The following PRPF39 variants were observed in gnomAD, a reference collection of about 807,000 sequenced individuals.
The protein encoded by PRPF39 is pre-mRNA-processing factor 39.
A neutral mutation model predicts 82.1 loss-of-function variants in PRPF39; 27 were observed. The ratio of observed to expected loss-of-function variants is 0.33; its 90% confidence interval spans 0.24 to 0.45. PRPF39 has a LOEUF of 0.45. PRPF39 is among the 20% of genes least tolerant of loss of function. The probability of loss-of-function intolerance (pLI) is 1.00; values close to 1 mark genes in which losing one functional copy is unlikely to be tolerated. For synonymous variants in PRPF39, 261 were observed against 256.4 expected, an observed-to-expected ratio of 1.02 and a Z score of -0.17; for missense variants, 581 against 796.9, an observed-to-expected ratio of 0.73 and a Z score of 3.26.
At chr14:45,109,878 A>AT in intron 8 of PRPF39, 98 bp downstream of exon 8, 1 of 1,516,222 alleles carries the variant, frequency 6.6e-7, no homozygotes, top group Non-Finnish European at 8.8e-7. Flanking sequence ...TCATATAACT[A>AT]TATCTGTTGC....
Position 45,096,204 on chromosome 14 carries a change from C to T in PRPF39, c.426C>T (p.His142=), listed in dbSNP as rs757055231. The T allele has an allele frequency of 1.2e-5, 19 of 1,590,912 alleles. No homozygotes were observed. The highest frequency in any genetic ancestry group is 2.7e-5 in the African/African-American group (2 of 74,252). Residue 142 remains histidine, a synonymous_variant, in exon 3 of 14, where the codon CAC becomes CAT. Coordinates refer to ENST00000355765, the MANE Select transcript of PRPF39 (RefSeq NM_017922.4). ...WKKYADLEKR[H]DNIKPSDEVY... The stretch of plus-strand genomic sequence containing the variant: ...AGTATGCAGACCTTGAAAAGCGGCA[C>T]GACAACATTAAACCATCAGATGAGG...
chr14:45,087,915 C>T (rs1311317271), intron 1 of PRPF39, among the ~76,000 whole-genome samples: 1 of 151,954 alleles, frequency 6.6e-6, no homozygotes, highest in Non-Finnish European at 1.5e-5. Context: ...CCTCTAAAAC[C>T]CAAGTACTTA....
At chr14:45,107,209 A>G (rs1009112367) in intron 5 of PRPF39, among the ~76,000 whole-genome samples, 10 of 152,336 alleles carry the variant, frequency 6.6e-5, no homozygotes, top group Admixed American at 2.0e-4. Context: ...ATGCCCGTCC[A>G]TGCCTTCTCC....
intron 5 of PRPF39, among the ~76,000 whole-genome samples, chr14:45,104,250 A>G (rs1419607399): frequency 3.3e-5 from 5 of 152,172 alleles, no homozygotes; most frequent in Non-Finnish European, 7.4e-5. Context: ...TATACTTACA[A>G]TAGATATTAG....
rs1463755507 is a variant in PRPF39, at chr14:45,095,217, A to G, written c.-19-4A>G. ...ATATTTCTCTTTTTTTCGTGTTTCC[A>G]CAGATCGTTAACTGAAGACAATATG... is the stretch of plus-strand genomic sequence containing the variant. On this transcript the variant is annotated splice_region_variant and splice_polypyrimidine_tract_variant and intron_variant, in intron 1 of 13. Transcript: ENST00000355765. The G allele has an allele frequency of 9.9e-6, 15 of 1,519,122 alleles. No homozygotes were observed. Among genetic ancestry groups the G allele is most frequent in the African/African-American group, 1.4e-5 (1 of 71,806 alleles). The allele number at this position is 1,519,122 out of a possible 1,614,324, so 94.1% of individuals were successfully genotyped here.
chr14:45,096,628 C>G, intron 3 of PRPF39: 7 of 1,481,756 alleles, frequency 4.7e-6, no homozygotes, highest in Non-Finnish European at 6.3e-6. Flanking sequence ...GGGTCTGTGC[C>G]CTATGGTCTG....
At chr14:45,102,309 G>A (rs1566695179) in intron 4 of PRPF39, among the ~76,000 whole-genome samples, 1 of 152,086 alleles carries the variant, frequency 6.6e-6, no homozygotes, top group Non-Finnish European at 1.5e-5. Context: ...ATTTGATAAA[G>A]TTACATAAAA....
chr14:45,089,902 C>T (rs1329346779), intron 1 of PRPF39, among the ~76,000 whole-genome samples: 1 of 152,222 alleles, frequency 6.6e-6, no homozygotes, highest in Non-Finnish European at 1.5e-5. Flanking sequence ...AAAATGATCT[C>T]TATAAGCATA....
chr14:45,101,109 T>A (rs551638990), intron 4 of PRPF39, among the ~76,000 whole-genome samples: 76 of 152,312 alleles, frequency 5.0e-4, no homozygotes, highest in African/African-American at 1.7e-3. Flanking sequence ...GCCAAACGTG[T>A]AATTACTATA....
intron 1 of PRPF39, among the ~76,000 whole-genome samples, chr14:45,084,463 C>T (rs1566687696): frequency 6.6e-6 from 1 of 152,112 alleles, no homozygotes; most frequent in Non-Finnish European, 1.5e-5. Context: ...TTAGACCAAA[C>T]GTTTCACTTG....
At chr14:45,098,397 C>T (rs999515630) in intron 4 of PRPF39, among the ~76,000 whole-genome samples, 13 of 149,312 alleles carry the variant, frequency 8.7e-5, no homozygotes, top group Admixed American at 2.7e-4. Flanking sequence ...GAGCCAAGAT[C>T]GATCGTGCCA....
rs923170857 is a variant in PRPF39 at position 45,101,899 on chromosome 14, C to T, written c.570-630C>T. On this transcript the variant is annotated intron_variant, in intron 4 of 13. Transcript: ENST00000355765. The stretch of plus-strand genomic sequence containing the variant: ...TTGGCTCATTGCAACCTCCGCCTGC[C>T]GGGTTCAAGCAATTCTCCTGCCTCA... 4.6e-5 allele frequency among the ~76,000 whole-genome samples: 7 copies of T among 151,670 alleles called. 1 individual carries two copies. Among genetic ancestry groups the T allele is most frequent in the Admixed American group, 3.9e-4 (6 of 15,232 alleles).
chr14:45,102,756 A>T, intron 5 of PRPF39, 60 bp downstream of exon 5: 3 of 1,393,718 alleles, frequency 2.2e-6, no homozygotes, highest in Non-Finnish European at 2.9e-6. Context: ...TGGTAATATT[A>T]AGTATTATAA....
rs1220030220 is a variant in PRPF39, at chr14:45,107,425, C to G, written c.738-26C>G. On this transcript the variant is annotated intron_variant, in intron 5 of 13. Coordinates refer to ENST00000355765, the MANE Select transcript of PRPF39 (RefSeq NM_017922.4). The stretch of plus-strand genomic sequence containing the variant: ...GAGATCTAAAATTATGATTCAAATA[C>G]ATATATTTTTATTGTCTTCCTTTAG... 4 of 1,437,240 alleles carry G rather than the reference C, an allele frequency of 2.8e-6. No homozygotes were observed. In the Admixed American group the frequency reaches 8.2e-5, roughly 29 times the overall value. 89.0% of individuals were successfully genotyped at this position (1,437,240 alleles called of 1,614,324 possible).
At chr14:45,093,114 CAT>C (rs1461094344) in intron 1 of PRPF39, among the ~76,000 whole-genome samples, 5 of 152,012 alleles carry the variant, frequency 3.3e-5, no homozygotes, top group African/African-American at 1.2e-4. Context: ...TCTGTGAGTG[CAT>C]GTGTGTATGC....
chr14:45,107,175 C>T (rs1341019140), intron 5 of PRPF39, among the ~76,000 whole-genome samples: 2 of 152,100 alleles, frequency 1.3e-5, no homozygotes, highest in Non-Finnish European at 2.9e-5. Context: ...TAACCAGTAA[C>T]AGACAGAACT....
intron 1 of PRPF39, among the ~76,000 whole-genome samples, chr14:45,091,042 T>G (rs1884007519): frequency 6.6e-6 from 1 of 150,620 alleles, no homozygotes; most frequent in African/African-American, 2.5e-5. Flanking sequence ...TTTCATACTA[T>G]TTGTTCTTTC....
At chr14:45,114,077 C>T (rs578055396) in intron 11 of PRPF39, 106 bp from the exon 12 acceptor site, 16 of 756,614 alleles carry the variant, frequency 2.1e-5, no homozygotes, top group Non-Finnish European at 2.1e-5. Flanking sequence ...ATAAAGGAGC[C>T]GCTTAGAAAT....
intron 1 of PRPF39, among the ~76,000 whole-genome samples, chr14:45,091,830 T>TTGA (rs1390807931): frequency 3.9e-5 from 6 of 152,250 alleles, no homozygotes; most frequent in Non-Finnish European, 7.3e-5. Flanking sequence ...TCATGCACTG[T>TTGA]TGATGACTTA....
Sources: gnomAD v4.1 joint callset for allele counts (sites outside exome capture counted in the v4.1 genomes callset) on GRCh38, gnomAD v4.1.1 for gene constraint, MANE v1.5 for transcripts, NCBI Gene and HGNC (gene_info 2026-07-23, HGNC 2026-07-21) for gene names.